Variants in BAIAP2 observed in about 807,000 individuals in gnomAD.
The protein encoded by BAIAP2 is BAR/IMD domain containing adaptor protein 2, also known as BAR/IMD domain-containing adapter protein 2.
BAIAP2 carries 18 observed loss-of-function variants against 63.0 expected under a neutral mutation model. The observed-to-expected ratio is 0.29, with a 90% CI of 0.20 to 0.42. The LOEUF is 0.42. BAIAP2 is among the 10% of genes least tolerant of loss of function. The probability of loss-of-function intolerance (pLI) is 1.00; values close to 1 mark genes in which losing one functional copy is unlikely to be tolerated. For missense variants in BAIAP2, 610 were observed against 734.3 expected, an observed-to-expected ratio of 0.83 and a Z score of 1.96; for synonymous variants, 386 against 307.6, an observed-to-expected ratio of 1.25 and a Z score of -2.67.
intron 3 of BAIAP2, among the ~76,000 whole-genome samples, chr17:81,076,877 C>T (rs752967523): frequency 1.3e-5 from 2 of 152,000 alleles, no homozygotes; most frequent in Non-Finnish European, 2.9e-5. Flanking sequence ...AGGCTGGGGC[C>T]GGAGGATCCC....
intron 2 of BAIAP2, among the ~76,000 whole-genome samples, chr17:81,056,637 C>T (rs778989510): frequency 3.6e-4 from 55 of 152,362 alleles, no homozygotes; most frequent in Admixed American, 9.8e-4. Flanking sequence ...CGGGCCTTTC[C>T]GCTCCTGTTT....
At chr17:81,103,281 C>T (rs2058731682) in intron 7 of BAIAP2, among the ~76,000 whole-genome samples, 1 of 152,258 alleles carries the variant, frequency 6.6e-6, no homozygotes, top group African/African-American at 2.4e-5. Context: ...TGGAGGTCCC[C>T]CGACTGCATG....
intron 3 of BAIAP2, among the ~76,000 whole-genome samples, chr17:81,070,590 G>A (rs902819211): frequency 6.6e-5 from 10 of 152,180 alleles, no homozygotes; most frequent in East Asian, 1.9e-4. Flanking sequence ...GAAGGCCCTG[G>A]CGTGCCTGTC....
chr17:81,076,790 G>A (rs62072986), intron 3 of BAIAP2, among the ~76,000 whole-genome samples: 26,171 of 152,136 alleles, frequency 0.17, 2,417 homozygotes, highest in Middle Eastern at 0.33. Flanking sequence ...GCAACATAGT[G>A]AGACCCCATG....
intron 2 of BAIAP2, among the ~76,000 whole-genome samples, chr17:81,054,918 G>A (rs1215069145): frequency 6.6e-6 from 1 of 152,158 alleles, no homozygotes; most frequent in Admixed American, 6.5e-5. Context: ...TGCCATGGAT[G>A]GGGACTTGCT....
chr17:81,099,877 G>A (rs1206590523), intron 6 of BAIAP2, 51 bp from the exon 7 acceptor site: 2 of 1,596,204 alleles, frequency 1.3e-6, no homozygotes, highest in Admixed American at 1.7e-5. Context: ...AACCGGTCCT[G>A]ACAGGCGTCC....
intron 6 of BAIAP2, among the ~76,000 whole-genome samples, chr17:81,088,257 T>G (rs1223727534): frequency 6.6e-6 from 1 of 152,044 alleles, no homozygotes; most frequent in Non-Finnish European, 1.5e-5. Context: ...CCTGGGAATG[T>G]CCCCAGCTTG....
intron 1 of BAIAP2, among the ~76,000 whole-genome samples, chr17:81,044,105 G>A (rs1364789857): frequency 6.6e-6 from 1 of 152,176 alleles, no homozygotes; most frequent in Non-Finnish European, 1.5e-5. Context: ...ACAGCCCCCG[G>A]GCTGGCACCT....
At chr17:81,100,276 C>A (rs969850273) in intron 7 of BAIAP2, among the ~76,000 whole-genome samples, 196 bp downstream of exon 7, 24 of 152,202 alleles carry the variant, frequency 1.6e-4, no homozygotes, top group Admixed American at 7.8e-4. Flanking sequence ...TTTGAAGACT[C>A]ACATTAGAAA....
At chr17:81,098,137 A>C (rs949039871) in intron 6 of BAIAP2, 1 of 1,455,216 alleles carries the variant, frequency 6.9e-7, no homozygotes, top group African/African-American at 1.4e-5. Context: ...CCAGAGGGAC[A>C]GAGGCAGAGA....
chr17:81,095,664 C>A (rs2057494012), intron 6 of BAIAP2, among the ~76,000 whole-genome samples: 1 of 152,120 alleles, frequency 6.6e-6, no homozygotes, highest in Admixed American at 6.5e-5. Context: ...GCTGGCCATC[C>A]CTGCCTTGCT....
At chr17:81,037,703 C>A (rs1424940105) in intron 1 of BAIAP2, among the ~76,000 whole-genome samples, 1 of 152,252 alleles carries the variant, frequency 6.6e-6, no homozygotes, top group Non-Finnish European at 1.5e-5. Flanking sequence ...CTGGCAGTGC[C>A]TCTTGGAACG....
At chr17:81,054,635 C>T (rs2049167878) in intron 2 of BAIAP2, among the ~76,000 whole-genome samples, 2 of 152,188 alleles carry the variant, frequency 1.3e-5, no homozygotes, top group Non-Finnish European at 2.9e-5. Context: ...GTAACTGCAG[C>T]AGCTTCGGGT....
intron 2 of BAIAP2, among the ~76,000 whole-genome samples, chr17:81,055,742 T>C (rs1055747042): frequency 2.0e-5 from 3 of 151,852 alleles, no homozygotes; most frequent in Admixed American, 6.6e-5. Context: ...ATTTTTTGTA[T>C]TTTTAGTAGA....
At chr17:81,035,342 C>G (rs764183681) in intron 1 of BAIAP2, 34 bp downstream of exon 1, 27 of 1,282,552 alleles carry the variant, frequency 2.1e-5, no homozygotes, top group Non-Finnish European at 2.5e-5. Context: ...TGAGCCCGCT[C>G]CGTGTGCGCC....
chr17:81,102,141 T>TCCCACAGACCCACAGA (rs71367034), intron 7 of BAIAP2, among the ~76,000 whole-genome samples: 31,856 of 152,010 alleles, frequency 0.21, 3,529 homozygotes, highest in Non-Finnish European at 0.23. Flanking sequence ...GAGGCCTGTG[T>TCCCACAGACCCACAGA]CCCACAGACC....
chr17:81,103,293 C>T (rs894903673), intron 7 of BAIAP2, among the ~76,000 whole-genome samples: 30 of 152,264 alleles, frequency 2.0e-4, no homozygotes, highest in African/African-American at 6.3e-4. Flanking sequence ...GACTGCATGG[C>T]TTGTGGTCCA....
intron 13 of BAIAP2, chr17:81,110,187 A>G: frequency 1.0e-6 from 1 of 985,630 alleles, no homozygotes; most frequent in South Asian, 4.7e-5. Flanking sequence ...AGCCTCCCAC[A>G]CACCTCCCCG....
At chr17:81,050,102 C>T (rs1309072997) in intron 1 of BAIAP2, among the ~76,000 whole-genome samples, 1 of 152,212 alleles carries the variant, frequency 6.6e-6, no homozygotes, top group East Asian at 1.9e-4. Flanking sequence ...GTGGGTGGCA[C>T]CTACAGTGCG....
Sources: allele counts gnomAD v4.1 joint callset (sites outside exome capture counted in the v4.1 genomes callset), GRCh38; gene constraint gnomAD v4.1.1; transcripts MANE v1.5; gene names NCBI Gene and HGNC (gene_info 2026-07-23, HGNC 2026-07-21).